TRIT1: variants seen among roughly 807,000 people sequenced by gnomAD.
TRIT1 encodes tRNA isopentenyltransferase 1, also known as tRNA dimethylallyltransferase.
Under a neutral mutation model 51.2 loss-of-function variants are expected in TRIT1, and 43 were observed. The ratio of observed to expected loss-of-function variants is 0.84; its 90% confidence interval spans 0.66 to 1.08. The LOEUF (loss-of-function observed/expected upper bound fraction) is 1.08, where lower values mean the gene tolerates loss of function less well. Ranked by LOEUF, TRIT1 falls within the 50% of genes least tolerant of loss-of-function variation. TRIT1 has a pLI of 0.00. For synonymous variants in TRIT1, 184 were observed against 203.9 expected (o/e 0.90, Z 0.83); for missense variants, 528 against 578.4 (o/e 0.91, Z 0.89).
intron 1 of TRIT1, among the ~76,000 whole-genome samples, chr1:39,880,087 A>G (rs184996832): frequency 6.6e-6 from 1 of 151,918 alleles, no homozygotes; most frequent in African/African-American, 2.4e-5. Context: ...AGGCAGGACA[A>G]TCACTGGAAT....
chr1:39,844,318 A>G, intron 9 of TRIT1, 100 bp from the exon 10 acceptor site: 1 of 1,088,542 alleles, frequency 9.2e-7, no homozygotes. Context: ...CTTTTTCTCA[A>G]CCCAGAGAGC....
chr1:39,840,442 C>T lies in TRIT1; in HGVS notation c.*1302G>A, dbSNP rs1652509752. Among the ~76,000 whole-genome samples, 1 of 152,116 alleles carries T rather than the reference C, an allele frequency of 6.6e-6. No individual in the cohort carries two copies. Among genetic ancestry groups the T allele is most frequent in the African/African-American group, 2.4e-5 (1 of 41,414 alleles). ...CAGAAATGCTCCTCCTTCCATGATCCCTTCCCTTCCTTCTAAACTGAAATT... is the reference window on the plus strand; with the variant it reads ...CAGAAATGCTCCTCCTTCCATGATCTCTTCCCTTCCTTCTAAACTGAAATT... On this transcript the variant is annotated 3_prime_UTR_variant, in exon 11 of 11. Transcript: ENST00000316891.
chr1:39,869,335 C>A (rs1413152342), intron 1 of TRIT1, among the ~76,000 whole-genome samples: 3 of 152,246 alleles, frequency 2.0e-5, no homozygotes, highest in African/African-American at 7.2e-5. Flanking sequence ...CAGCTCCTAA[C>A]CGCGAGTGAT....
Position 39,838,471 on chromosome 1 carries a change from AGTTTT to A in TRIT1, c.*3268_*3272del, listed in dbSNP as rs1652455962. Among the ~76,000 whole-genome samples the A allele has an allele frequency of 6.6e-6, 1 of 151,890 alleles. No homozygotes were observed. The highest frequency in any genetic ancestry group is 3.4e-3 in the Middle Eastern group (1 of 294). On this transcript the variant is annotated 3_prime_UTR_variant, in exon 11 of 11. Transcript: ENST00000316891. ...TGTGTGTTTGGGGGAGGGGGTTGTTAGTTTTATTTTCTTTTTGAGCAACATGGTCT... is the reference window on the plus strand; with the variant it reads ...TGTGTGTTTGGGGGAGGGGGTTGTTAATTTTCTTTTTGAGCAACATGGTCT...
intron 1 of TRIT1, among the ~76,000 whole-genome samples, chr1:39,876,375 T>C (rs1433506776): frequency 6.6e-6 from 1 of 152,106 alleles, no homozygotes; most frequent in African/African-American, 2.4e-5. Context: ...CTTCCTTATA[T>C]AACACAGATT....
At chr1:39,873,440 C>T (rs983166520) in intron 1 of TRIT1, among the ~76,000 whole-genome samples, 6 of 151,894 alleles carry the variant, frequency 4.0e-5, no homozygotes, top group Admixed American at 2.0e-4. Context: ...GTATCAAGGT[C>T]GTAAAAGACA....
intron 2 of TRIT1, among the ~76,000 whole-genome samples, chr1:39,856,028 C>T (rs534589738): frequency 1.6e-4 from 25 of 152,002 alleles, no homozygotes; most frequent in South Asian, 4.2e-4. Context: ...ATAAAATAGC[C>T]GGGCATGGTG....
At chr1:39,879,410 TTC>T (rs754690295) in intron 1 of TRIT1, among the ~76,000 whole-genome samples, 28 of 152,162 alleles carry the variant, frequency 1.8e-4, no homozygotes, top group Non-Finnish European at 3.4e-4. Flanking sequence ...CTGCTACTTA[TTC>T]TAAGACCTTA....
intron 9 of TRIT1, 62 bp downstream of exon 9, chr1:39,844,469 G>C (rs774919005): frequency 7.8e-7 from 1 of 1,282,988 alleles, no homozygotes; most frequent in African/African-American, 1.5e-5. Flanking sequence ...AGCAACAAAG[G>C]TGTCAGCTAA....
At chr1:39,858,832 C>T (rs990384051) in intron 1 of TRIT1, among the ~76,000 whole-genome samples, 1 of 152,152 alleles carries the variant, frequency 6.6e-6, no homozygotes, top group South Asian at 2.1e-4. Context: ...CATTCTCATA[C>T]CTGAAAATTA....
intron 1 of TRIT1, among the ~76,000 whole-genome samples, chr1:39,867,749 G>T (rs1643633345): frequency 6.6e-6 from 1 of 152,148 alleles, no homozygotes; most frequent in African/African-American, 2.4e-5. Flanking sequence ...CATATAACTG[G>T]CTGGAAGCAG....
chr1:39,873,139 T>C (rs1445472801), intron 1 of TRIT1, among the ~76,000 whole-genome samples: 2 of 152,162 alleles, frequency 1.3e-5, no homozygotes, highest in African/African-American at 4.8e-5. Flanking sequence ...TAAGACTAGG[T>C]ACTGTCATTT....
At chr1:39,877,122 C>A (rs146183853) in intron 1 of TRIT1, among the ~76,000 whole-genome samples, 3 of 151,510 alleles carry the variant, frequency 2.0e-5, no homozygotes, top group Admixed American at 1.3e-4. Context: ...CATATCCCTC[C>A]CCCAAGCATC....
chr1:39,860,434 C>T (rs61779843), intron 1 of TRIT1, among the ~76,000 whole-genome samples: 24,789 of 152,112 alleles, frequency 0.16, 2,273 homozygotes, highest in Non-Finnish European at 0.22. Flanking sequence ...TCGGAGGAAA[C>T]GCTCACTGGA....
rs201156716 is a variant in TRIT1, at chr1:39,848,017, G to T, written c.784C>A (p.Arg262Ser). The T allele has an allele frequency of 1.9e-6, 3 of 1,614,014 alleles. No individual in the cohort carries two copies. In the South Asian group the frequency reaches 3.3e-5, roughly 18 times the overall value. Reference sequence around the variant, plus strand: ...TCCGAAACATTCTTCTGATTATAGCGTCTGTGAAAATCTCTTAGTTCCTCC... The same window carrying T: ...TCCGAAACATTCTTCTGATTATAGCTTCTGTGAAAATCTCTTAGTTCCTCC... Reference protein sequence around the residue: ...LLEELRDFHRRYNQKNVSENS... With the variant: ...LLEELRDFHRSYNQKNVSENS... Residue 262 changes from arginine to serine, a missense_variant, in exon 6 of 11, where the codon CGC becomes AGC. Arg to Ser is a moderately radical substitution (Grantham distance 110, BLOSUM62 -1). Transcript: ENST00000316891.
intron 6 of TRIT1, 34 bp downstream of exon 6, chr1:39,847,952 G>A: frequency 6.4e-7 from 1 of 1,573,882 alleles, no homozygotes; most frequent in Non-Finnish European, 8.7e-7. Flanking sequence ...TGCAAAATAT[G>A]GACAGTAGGT....
intron 2 of TRIT1, 21 bp from the exon 3 acceptor site, chr1:39,854,089 C>T (rs778201293): frequency 6.6e-6 from 10 of 1,521,470 alleles, no homozygotes; most frequent in Middle Eastern, 3.4e-4. Flanking sequence ...AGAAAGATAT[C>T]ACGATATCAA....
intron 1 of TRIT1, among the ~76,000 whole-genome samples, chr1:39,879,161 C>T (rs1163040986): frequency 6.6e-6 from 1 of 151,888 alleles, no homozygotes; most frequent in African/African-American, 2.4e-5. Context: ...CCCAGCTACT[C>T]GGGAGGCTGA....
chr1:39,857,276 T>C lies in TRIT1; in HGVS notation c.315+1A>G. On this transcript the variant is annotated splice_donor_variant, in intron 2 of 10. Transcript: ENST00000316891. LOFTEE classifies it high-confidence loss of function. ...CCAGCTGCTGCCTTTCCTAAGGATA[T>C]CAGAGCAGTTGCTCTATTTCTGAAG... The C allele has an allele frequency of 1.2e-6, 2 of 1,607,582 alleles. No homozygotes were observed. Among genetic ancestry groups the C allele is most frequent in the East Asian group, 4.5e-5 (2 of 44,814 alleles).
Sources: allele counts gnomAD v4.1 joint callset (sites outside exome capture counted in the v4.1 genomes callset), GRCh38; gene constraint gnomAD v4.1.1; transcripts MANE v1.5; gene names NCBI Gene and HGNC (gene_info 2026-07-23, HGNC 2026-07-21).